The following POMGNT1 variants were observed in gnomAD, a reference collection of about 807,000 sequenced individuals.
POMGNT1 encodes the protein protein O-linked-mannose beta-1,2-N-acetylglucosaminyltransferase 1.
Under a neutral mutation model 95.6 loss-of-function variants are expected in POMGNT1, and 67 were observed. That is an observed-to-expected ratio of 0.70 (90% CI 0.58 to 0.86). The LOEUF is 0.86. POMGNT1 is among the 40% of genes least tolerant of loss of function. The pLI is 0.00. For missense variants in POMGNT1, 719 were observed against 855.2 expected (o/e 0.84, Z 1.99); for synonymous variants, 298 against 317.9 (o/e 0.94, Z 0.66).
chr1:46,201,268 T>C (rs996162426), upstream of POMGNT1, among the ~76,000 whole-genome samples: 1 of 151,960 alleles, frequency 6.6e-6, no homozygotes, highest in African/African-American at 2.4e-5. Context: ...TCCCAGCACT[T>C]TGGGAGGCTA....
intron 6 of POMGNT1, 29 bp from the exon 7 acceptor site, chr1:46,194,990 G>A (rs1658114851): frequency 6.2e-7 from 1 of 1,606,758 alleles, no homozygotes; most frequent in Non-Finnish European, 8.5e-7. Flanking sequence ...CAGTTAGCCT[G>A]ACTGGCATGG....
rs1557671443 is a variant in POMGNT1, at chr1:46,192,111, T to C, written c.1526A>G (p.Asn509Ser). 1 of 1,614,062 alleles carries C rather than the reference T, an allele frequency of 6.2e-7. No individual in the cohort carries two copies. Among genetic ancestry groups the C allele is most frequent in the Non-Finnish European group, 8.5e-7 (1 of 1,179,912 alleles). Residue 509 changes from asparagine (N) to serine (S), a missense_variant, in exon 17 of 22, where the codon AAT becomes AGT. By Grantham distance (46) the Asn-to-Ser change is conservative. This residue lies in a region of POMGNT1 where 118 missense variants were observed against 153.6 expected (regional missense o/e 0.77). Transcript: ENST00000371984. ...CCTCCCACTCACGTGAAAGTAGCCATTCATGTTGAGGCCGACGATGCCAAA... is the reference window on the plus strand; with the variant it reads ...CCTCCCACTCACGTGAAAGTAGCCACTCATGTTGAGGCCGACGATGCCAAA... ...YHFGIVGLNMNGYFHEAYFKK... is the reference protein window; with the variant it reads ...YHFGIVGLNMSGYFHEAYFKK...
At chr1:46,202,983 T>TATACCCAATTCCTCTGCTCC (rs1199436483), upstream of POMGNT1, among the ~76,000 whole-genome samples, 1 of 147,024 alleles carries the variant, frequency 6.8e-6, no homozygotes, top group Non-Finnish European at 1.5e-5. Flanking sequence ...GTCATCGTTT[T>TATACCCAATTCCTCTGCTCC]ATACCCAATT....
intron 17 of POMGNT1, 54 bp from the exon 18 acceptor site, chr1:46,190,838 C>A: frequency 2.0e-6 from 3 of 1,497,590 alleles, no homozygotes; most frequent in Non-Finnish European, 2.8e-6. Flanking sequence ...GGCCCACACC[C>A]ACTTGCTGAC....
intron 6 of POMGNT1, 200 bp downstream of exon 6, chr1:46,195,611 C>A: frequency 1.5e-6 from 1 of 652,954 alleles, no homozygotes; most frequent in Non-Finnish European, 2.8e-6. Context: ...ATCTTCAGCA[C>A]CCAGAGAAGT....
chr1:46,194,201 C>A, intron 9 of POMGNT1, 73 bp downstream of exon 9: 1 of 1,613,256 alleles, frequency 6.2e-7, no homozygotes, highest in Non-Finnish European at 8.5e-7. Context: ...AAAGCCCAAC[C>A]TAGATCATTC....
At chr1:46,216,311 G>A (rs1659067304) in intron 1 of POMGNT1, among the ~76,000 whole-genome samples, 1 of 151,830 alleles carries the variant, frequency 6.6e-6, no homozygotes, top group Admixed American at 6.6e-5. Context: ...CTCCCAAAGT[G>A]CTGGGATTAC....
intron 1 of POMGNT1, among the ~76,000 whole-genome samples, chr1:46,206,534 C>T (rs1476921623): frequency 1.3e-5 from 2 of 152,132 alleles, no homozygotes; most frequent in South Asian, 4.1e-4. Flanking sequence ...GCCTCTGAGG[C>T]TGCATCTCTC....
chr1:46,190,758 G>T lies in POMGNT1; in HGVS notation c.1566C>A (p.Phe522Leu). 6.2e-7 allele frequency: 1 copy of T among 1,613,928 alleles called. No homozygotes were observed. Among genetic ancestry groups the T allele is most frequent in the South Asian group, 1.1e-5 (1 of 91,056 alleles). Residue 522 changes from phenylalanine (F) to leucine (L), a missense_variant, in exon 18 of 22, where the codon TTC becomes TTA. Around this residue, in one of 5 missense-constraint regions of POMGNT1, gnomAD observed 118 missense variants for 153.6 expected, o/e 0.77. Transcript: ENST00000371984. ...TGAGCTGGACACCTGGAACCGTGTTGAACTTGTGCTTCTTGAAGTAGGCCT... is the reference window on the plus strand; with the variant it reads ...TGAGCTGGACACCTGGAACCGTGTTTAACTTGTGCTTCTTGAAGTAGGCCT... ...FHEAYFKKHK[F>L]NTVPGVQLRN...
chr1:46,215,701 C>T (rs1481249828), intron 1 of POMGNT1, among the ~76,000 whole-genome samples: 3 of 152,282 alleles, frequency 2.0e-5, no homozygotes, highest in South Asian at 4.1e-4. Context: ...GAGTTTGAGA[C>T]CAGCCTGGGC....
In POMGNT1 at chr1:46,197,021, G is replaced by A. The variant is rs1352412667; in HGVS notation, c.184C>T (p.Arg62Trp). 6.2e-6 allele frequency: 10 copies of A among 1,614,148 alleles called. No homozygotes were observed. The highest frequency in any genetic ancestry group is 7.6e-6 in the Non-Finnish European group (9 of 1,180,028). Residue 62 changes from arginine to tryptophan, a missense_variant, in exon 3 of 22, where the codon CGG becomes TGG. Arg to Trp is a moderately radical substitution (Grantham distance 101). Coordinates refer to ENST00000371984, the MANE Select transcript of POMGNT1 (RefSeq NM_017739.4). ...IVNIKLILDT[R>W]RAISEANEDP... Reference sequence around the variant, plus strand: ...TCATTGGCTTCACTGATGGCTCGCCGAGTGTCCAGGATCAACTTGATATTG... The same window carrying A: ...TCATTGGCTTCACTGATGGCTCGCCAAGTGTCCAGGATCAACTTGATATTG...
chr1:46,210,227 T>G (rs138200184), intron 1 of POMGNT1, among the ~76,000 whole-genome samples: 2 of 152,360 alleles, frequency 1.3e-5, no homozygotes, highest in African/African-American at 4.8e-5. Context: ...TAAAATTTTT[T>G]TCTATGCTTT....
chr1:46,189,017 G>A lies in POMGNT1; in HGVS notation c.*253C>T, dbSNP rs1657530481. 1 of 1,585,262 alleles carries A rather than the reference G, an allele frequency of 6.3e-7. No individual in the cohort carries two copies. Among genetic ancestry groups the A allele is most frequent in the Non-Finnish European group, 8.6e-7 (1 of 1,166,306 alleles). On this transcript the variant is annotated 3_prime_UTR_variant, in exon 22 of 22. Coordinates refer to ENST00000371984, the MANE Select transcript of POMGNT1 (RefSeq NM_017739.4). ...GGGTATTCAAAGGGCAGGATGAGCTGCTAGGGATCGTAATGATTCCCAGGT... is the reference window on the plus strand; with the variant it reads ...GGGTATTCAAAGGGCAGGATGAGCTACTAGGGATCGTAATGATTCCCAGGT...
chr1:46,197,153 A>AG (rs1405538246), intron 2 of POMGNT1, 69 bp from the exon 3 acceptor site: 1 of 1,611,584 alleles, frequency 6.2e-7, no homozygotes, highest in Non-Finnish European at 8.5e-7. Flanking sequence ...TTCTGAAAGG[A>AG]GGGCCCTGGC....
chr1:46,206,007 TTCTTCC>T (rs1291991454), intron 1 of POMGNT1, among the ~76,000 whole-genome samples: 2 of 152,234 alleles, frequency 1.3e-5, no homozygotes, highest in Admixed American at 6.5e-5. Context: ...CCCTCCTGCT[TTCTTCC>T]TCTACCCTCC....
chr1:46,195,333 T>C (rs889754531), intron 6 of POMGNT1, among the ~76,000 whole-genome samples: 7 of 152,206 alleles, frequency 4.6e-5, no homozygotes, highest in African/African-American at 1.7e-4. Context: ...TGCCATTCTT[T>C]CCACCTGGAA....
rs772102300 is a variant in POMGNT1, at chr1:46,193,604, G to A, written c.986C>T (p.Ser329Phe). 3.0e-5 allele frequency: 48 copies of A among 1,614,072 alleles called. No individual in the cohort carries two copies. The highest frequency in any genetic ancestry group is 1.5e-5 in the Non-Finnish European group (18 of 1,180,046). The change falls in exon 11 of 22, where the codon TCT (serine) becomes TTT (phenylalanine). Residue 329 changes from serine to phenylalanine, a missense_variant. This residue lies in a region of POMGNT1 where 466 missense variants were observed against 517.4 expected (regional missense o/e 0.90). Transcript: ENST00000371984. ...LRSLLSAQGV[S>F]PQMITVFIDG... ...AATGAAAACTGTTATCATCTGAGGAGACACCCCCTGGGCTGAAAGCAGAGA... is the reference window on the plus strand; with the variant it reads ...AATGAAAACTGTTATCATCTGAGGAAACACCCCCTGGGCTGAAAGCAGAGA...
intron 1 of POMGNT1, among the ~76,000 whole-genome samples, chr1:46,213,644 T>C (rs1658972874): frequency 6.6e-6 from 1 of 152,026 alleles, no homozygotes; most frequent in African/African-American, 2.4e-5. Flanking sequence ...AGTTTGAGCC[T>C]GGGAGTTTGA....
In POMGNT1 at chr1:46,192,534, G is replaced by C; in HGVS notation, c.1268C>G (p.Ser423Cys). 1 of 1,614,208 alleles carries C rather than the reference G, an allele frequency of 6.2e-7. No homozygotes were observed. Among genetic ancestry groups the C allele is most frequent in the Non-Finnish European group, 8.5e-7 (1 of 1,180,040 alleles). ...CCAGCCTACCTGGTCATTCCAGGCA[G>C]AGATGCAGTACAGGCTGTCATCCTC... ...LEEDDSLYCISAWNDQGYEHT... is the reference protein window; with the variant it reads ...LEEDDSLYCICAWNDQGYEHT... The change falls in exon 15 of 22, where the codon TCT (serine) becomes TGT (cysteine). Residue 423 changes from serine to cysteine, a missense_variant. Physicochemically the swap from Ser to Cys is moderately radical, Grantham distance 112. Transcript: ENST00000371984.
Sources: allele counts gnomAD v4.1 joint callset (sites outside exome capture counted in the v4.1 genomes callset), GRCh38; gene constraint gnomAD v4.1.1; regional missense constraint gnomAD v4.1.1; transcripts MANE v1.5; gene names NCBI Gene and HGNC (gene_info 2026-07-23, HGNC 2026-07-21).